LAMC3: variants seen among roughly 807,000 people sequenced by gnomAD.
LAMC3 encodes the protein laminin subunit gamma-3.
In LAMC3, 128 loss-of-function variants were observed where a neutral mutation model predicts 173.8. The observed-to-expected ratio is 0.74, with a 90% CI of 0.64 to 0.85. The LOEUF (loss-of-function observed/expected upper bound fraction) is 0.85. LAMC3 is among the 40% of genes least tolerant of loss of function. LAMC3 has a pLI of 0.00. For synonymous variants in LAMC3, 897 were observed against 909.1 expected (o/e 0.99, Z 0.24); for missense variants, 2,022 against 2,156.0 (o/e 0.94, Z 1.23).
intron 1 of LAMC3, among the ~76,000 whole-genome samples, chr9:131,025,686 C>G (rs184891486): frequency 1.2e-4 from 19 of 152,214 alleles, no homozygotes; most frequent in Admixed American, 1.2e-3. Context: ...TTTGCAAGTA[C>G]AGTGTCTTCT....
rs148834830 is a variant in LAMC3 at position 131,079,115 on chromosome 9, C to T, written c.3778-34C>T. On this transcript the variant is annotated intron_variant, in intron 22 of 27. Coordinates refer to ENST00000361069, the MANE Select transcript of LAMC3 (RefSeq NM_006059.4). ...AGGATCCGCTGCTTGCCCTTCCTTT[C>T]CAGGCCCTGCCTGAGCGCATTGTCT... 221 of 1,607,980 alleles carry T rather than the reference C, an allele frequency of 1.4e-4. 1 individual carries two copies. The East Asian group carries it at 4.9e-3, about 36-fold the overall frequency.
chr9:131,038,864 C>T lies in LAMC3; in HGVS notation c.977C>T (p.Pro326Leu), dbSNP rs2133253319. ...CACCTTTCCCCACTCCTGCCCATAG[C>T]CTGCAACTGCAGTGGCCGCTCCGAG... ...GTAEAAHECLPCNCSGRSEEC... is the reference protein window; with the variant it reads ...GTAEAAHECLLCNCSGRSEEC... Residue 326 changes from proline (P) to leucine (L), a missense_variant and splice_region_variant, in exon 5 of 28, where the codon CCC becomes CTC. Physicochemically the swap from Pro to Leu is moderately conservative, Grantham distance 98 (BLOSUM62 -3). Coordinates refer to ENST00000361069, the MANE Select transcript of LAMC3 (RefSeq NM_006059.4). The T allele has an allele frequency of 6.2e-7, 1 of 1,612,964 alleles. No individual in the cohort carries two copies. Among genetic ancestry groups the T allele is most frequent in the Non-Finnish European group, 8.5e-7 (1 of 1,180,014 alleles).
At chr9:131,088,989 G>C (rs562363483) in intron 27 of LAMC3, among the ~76,000 whole-genome samples, 6 of 152,218 alleles carry the variant, frequency 3.9e-5, no homozygotes, top group African/African-American at 1.4e-4. Context: ...GGAGGCTGAG[G>C]CAGGAGAATC....
intron 7 of LAMC3, 41 bp from the exon 8 acceptor site, chr9:131,045,483 A>G: frequency 6.2e-7 from 1 of 1,611,894 alleles, no homozygotes; most frequent in South Asian, 1.1e-5. Flanking sequence ...TTCCTGGCTG[A>G]TTCACGTGGC....
At position 131,077,341 on chromosome 9, in the gene LAMC3, T is replaced by A; in HGVS notation, c.3777+7T>A. On this transcript the variant is annotated splice_region_variant and intron_variant, in intron 22 of 27. Transcript: ENST00000361069. ...GGCTTCCCCGGGAGCTCTGGTCAGC[T>A]CAGTTGTCTCAGAGCTCCGTGTGGG... The A allele has an allele frequency of 6.2e-7, 1 of 1,613,410 alleles. No homozygotes were observed. Among genetic ancestry groups the A allele is most frequent in the Non-Finnish European group, 8.5e-7 (1 of 1,179,974 alleles).
intron 13 of LAMC3, among the ~76,000 whole-genome samples, chr9:131,064,627 G>A (rs1221445371): frequency 2.0e-5 from 3 of 149,164 alleles, no homozygotes; most frequent in Non-Finnish European, 4.4e-5. Flanking sequence ...TCGCGCCACT[G>A]CACTCCAGCC....
rs1833939188 is a variant in LAMC3 at position 131,036,157 on chromosome 9, T to C, written c.810-9T>C. On this transcript the variant is annotated splice_polypyrimidine_tract_variant and intron_variant, in intron 3 of 27. Coordinates refer to ENST00000361069, the MANE Select transcript of LAMC3 (RefSeq NM_006059.4). ...GCGGGTCCCCTTCCTCCTCTGTGTC[T>C]TTTCCCAGGTGCAAGTGCAACGGGC... is the stretch of plus-strand genomic sequence containing the variant. The C allele has an allele frequency of 6.2e-7, 1 of 1,612,890 alleles. No individual in the cohort carries two copies. The highest frequency in any genetic ancestry group is 1.3e-5 in the African/African-American group (1 of 74,888).
At chr9:131,041,204 TA>T (rs1564372070) in intron 6 of LAMC3, among the ~76,000 whole-genome samples, 2 of 151,844 alleles carry the variant, frequency 1.3e-5, no homozygotes, top group African/African-American at 4.8e-5. Flanking sequence ...CTGTCTCTAC[TA>T]AAAATACAAA....
At chr9:131,010,621 T>C (rs1833396760) in intron 1 of LAMC3, among the ~76,000 whole-genome samples, 1 of 152,238 alleles carries the variant, frequency 6.6e-6, no homozygotes, top group African/African-American at 2.4e-5. Context: ...CTGCCTGCAG[T>C]CCTCGGGTGG....
chr9:131,057,630 C>G (rs1308382261), intron 12 of LAMC3, among the ~76,000 whole-genome samples: 2 of 152,220 alleles, frequency 1.3e-5, no homozygotes, highest in African/African-American at 4.8e-5. Flanking sequence ...ACCCTCACCC[C>G]TTAGTGGCCA....
chr9:131,061,563 C>T (rs904369319), intron 13 of LAMC3, among the ~76,000 whole-genome samples: 3 of 152,080 alleles, frequency 2.0e-5, no homozygotes, highest in East Asian at 1.9e-4. Context: ...TGGAAAACCT[C>T]GATTAAACTT....
At chr9:131,028,824 T>A (rs1208179296) in intron 2 of LAMC3, among the ~76,000 whole-genome samples, 1 of 152,214 alleles carries the variant, frequency 6.6e-6, no homozygotes, top group African/African-American at 2.4e-5. Context: ...CAGAGTTTTT[T>A]AATAATTTTT....
chr9:131,081,118 T>C (rs1252999924), intron 23 of LAMC3, among the ~76,000 whole-genome samples: 1 of 152,182 alleles, frequency 6.6e-6, no homozygotes, highest in Non-Finnish European at 1.5e-5. Flanking sequence ...TAGATTTCCT[T>C]AGTCCAGCTC....
chr9:131,016,897 T>C (rs938934720), intron 1 of LAMC3, among the ~76,000 whole-genome samples: 1 of 152,234 alleles, frequency 6.6e-6, no homozygotes, highest in African/African-American at 2.4e-5. Flanking sequence ...TCATGAAGCT[T>C]GTTCTAATTT....
intron 24 of LAMC3, among the ~76,000 whole-genome samples, chr9:131,083,642 C>G (rs1356453615): frequency 1.3e-5 from 2 of 152,078 alleles, no homozygotes; most frequent in South Asian, 2.1e-4. Flanking sequence ...ATAAAGAAAC[C>G]TGCTTCACTT....
In LAMC3 at chr9:131,085,584, C is replaced by G. The variant is rs777310189; in HGVS notation, c.4091C>G (p.Ser1364Cys). The change falls in exon 25 of 28, where the codon TCC (serine) becomes TGC (cysteine). Residue 1364 changes from serine to cysteine, a missense_variant. Ser to Cys is a moderately radical substitution (Grantham distance 112, BLOSUM62 -1). Coordinates refer to ENST00000361069, the MANE Select transcript of LAMC3 (RefSeq NM_006059.4). ...GCGGCATTGCAGAGGAAGGCAGACTCCGTCAGTGACAGACTCCTTGCAGAC... is the reference window on the plus strand; with the variant it reads ...GCGGCATTGCAGAGGAAGGCAGACTGCGTCAGTGACAGACTCCTTGCAGAC... ...DQAALQRKAD[S>C]VSDRLLADTR... The G allele has an allele frequency of 3.9e-5, 63 of 1,613,998 alleles. No individual in the cohort carries two copies. Among genetic ancestry groups the G allele is most frequent in the Non-Finnish European group, 5.2e-5 (61 of 1,180,052 alleles).
chr9:131,052,557 C>T lies in LAMC3; in HGVS notation c.1697C>T (p.Pro566Leu). The T allele has an allele frequency of 1.2e-6, 2 of 1,614,194 alleles. No homozygotes were observed. Among genetic ancestry groups the T allele is most frequent in the Non-Finnish European group, 8.5e-7 (1 of 1,180,008 alleles). ...CTCATACTGACCTTCCGGGTGCCCC[C>T]CGGGGACTCCCCACTCCCTGTACAG... ...QPLILTFRVP[P>L]GDSPLPVQLR... The change falls in exon 10 of 28, where the codon CCC (proline) becomes CTC (leucine). Residue 566 changes from proline to leucine, a missense_variant. Physicochemically the swap from Pro to Leu is moderately conservative, Grantham distance 98. Transcript: ENST00000361069.
chr9:131,067,699 G>T (rs776554279), intron 14 of LAMC3, among the ~76,000 whole-genome samples: 5 of 152,186 alleles, frequency 3.3e-5, no homozygotes. Flanking sequence ...AGGAAACACC[G>T]CTCTGGCCCA....
Position 131,067,152 on chromosome 9 carries a change from A to G in LAMC3, c.2540A>G (p.Gln847Arg), listed in dbSNP as rs1415188012. Residue 847 changes from glutamine (Q) to arginine (R), a missense_variant, in exon 14 of 28, where the codon CAG becomes CGG. Coordinates refer to ENST00000361069, the MANE Select transcript of LAMC3 (RefSeq NM_006059.4). Reference sequence around the variant, plus strand: ...ACGGGTGACCACTGTGAGCACTGTCAGGAAGGCTTCTACGGGAGCGCCCTG... The same window carrying G: ...ACGGGTGACCACTGTGAGCACTGTCGGGAAGGCTTCTACGGGAGCGCCCTG... ...NTTGDHCEHCQEGFYGSALAP... is the reference protein window; with the variant it reads ...NTTGDHCEHCREGFYGSALAP... 2.5e-6 allele frequency: 4 copies of G among 1,614,184 alleles called. No homozygotes were observed. The highest frequency in any genetic ancestry group is 2.2e-5 in the South Asian group (2 of 91,088).
Sources: gnomAD v4.1 joint callset for allele counts (sites outside exome capture counted in the v4.1 genomes callset) on GRCh38, gnomAD v4.1.1 for gene constraint, MANE v1.5 for transcripts, NCBI Gene and HGNC (gene_info 2026-07-23, HGNC 2026-07-21) for gene names.